Variants in RARB observed in about 807,000 individuals in gnomAD.
RARB encodes HBV-activated protein.
Under a neutral mutation model 51.9 loss-of-function variants are expected in RARB, and 17 were observed. The observed-to-expected ratio is 0.33, with a 90% CI of 0.22 to 0.49. RARB has a LOEUF of 0.49. Ranked by LOEUF, RARB falls within the 20% of genes least tolerant of loss-of-function variation. The pLI, the probability that RARB is intolerant of heterozygous loss-of-function variation, is 0.99. For missense variants in RARB, 369 were observed against 550.8 expected, an observed-to-expected ratio of 0.67 and a Z score of 3.30; for synonymous variants, 215 against 195.4, an observed-to-expected ratio of 1.10 and a Z score of -0.84.
chr3:25,371,720 C>T (rs994413925), intron 5 of RARB, among the ~76,000 whole-genome samples: 3 of 152,250 alleles, frequency 2.0e-5, no homozygotes, highest in African/African-American at 7.2e-5. Flanking sequence ...TCAACCTTTA[C>T]TGTACAAACA....
At chr3:25,315,224 A>G (rs1229592996) in intron 5 of RARB, among the ~76,000 whole-genome samples, 1 of 152,170 alleles carries the variant, frequency 6.6e-6, no homozygotes, top group Non-Finnish European at 1.5e-5. Flanking sequence ...TGAATGAAAT[A>G]CACACATCCC....
At chr3:25,133,063 C>CTT (rs1249039397) in intron 4 of RARB, among the ~76,000 whole-genome samples, 1 of 151,872 alleles carries the variant, frequency 6.6e-6, no homozygotes, top group African/African-American at 2.4e-5. Context: ...ACGATGCTTT[C>CTT]TTATTGCTCT....
chr3:25,428,879 A>G lies in RARB; in HGVS notation c.148A>G (p.Thr50Ala), dbSNP rs1057524213. The change falls in exon 1 of 8, where the codon ACT becomes GCT. Residue 50 changes from threonine to alanine, a missense_variant. Thr to Ala is a moderately conservative substitution (Grantham distance 58, BLOSUM62 0). Around this residue, in one of 9 missense-constraint regions of RARB, gnomAD observed 99 missense variants for 95.1 expected, o/e 1.04. Transcript: ENST00000330688. ...LTQTEWQHRH[T>A]AQSIETQSTS... The stretch of plus-strand genomic sequence containing the variant: ...CCAAACCGAATGGCAGCATCGGCAC[A>G]CTGCTCAATGTAGGTTTATTTTTTT... The G allele has an allele frequency of 5.0e-6, 8 of 1,611,426 alleles. No individual in the cohort carries two copies. The highest frequency in any genetic ancestry group is 1.3e-5 in the African/African-American group (1 of 74,858).
chr3:25,016,942 A>G (rs780120857), intron 2 of RARB, among the ~76,000 whole-genome samples: 2 of 152,162 alleles, frequency 1.3e-5, no homozygotes, highest in Non-Finnish European at 2.9e-5. Flanking sequence ...ATTTTAAAAG[A>G]TTTTAGGAGA....
chr3:25,508,365 C>T (rs1323984974), intron 3 of RARB, among the ~76,000 whole-genome samples: 2 of 152,106 alleles, frequency 1.3e-5, no homozygotes, highest in African/African-American at 2.4e-5. Flanking sequence ...GATTTTGTTG[C>T]TCTGTGTTTC....
At chr3:25,086,483 T>A (rs575658180) in intron 3 of RARB, among the ~76,000 whole-genome samples, 15 of 152,270 alleles carry the variant, frequency 9.9e-5, no homozygotes, top group Middle Eastern at 3.4e-3. Flanking sequence ...AAGGAAAGAA[T>A]CAAACTCTGT....
chr3:24,963,323 G>A (rs1007200982), intron 2 of RARB, among the ~76,000 whole-genome samples: 2 of 151,120 alleles, frequency 1.3e-5, no homozygotes, highest in Non-Finnish European at 2.9e-5. Context: ...CATTGGAAAC[G>A]CTCTCACAGA....
intron 3 of RARB, among the ~76,000 whole-genome samples, chr3:25,541,711 C>G (rs1256011832): frequency 1.3e-5 from 2 of 152,210 alleles, no homozygotes; most frequent in African/African-American, 4.8e-5. Flanking sequence ...CAACACCTCA[C>G]TCCTTATTGT....
In RARB at chr3:25,341,399, A is replaced by C. The variant is rs948521808; in HGVS notation, c.179-119794A>C. On this transcript the variant is annotated intron_variant, in intron 5 of 11. Transcript: ENST00000383772. ...AATACTGAGTAGAAAAAGGTTGTGG[A>C]ACTCATGGTTTATTCAGGGTGAGAG... 1.4e-4 allele frequency among the ~76,000 whole-genome samples: 21 copies of C among 152,196 alleles called. 1 individual carries two copies. The highest frequency in any genetic ancestry group is 2.9e-4 in the Non-Finnish European group (20 of 68,042).
chr3:25,078,406 A>G (rs1322510011), intron 3 of RARB, among the ~76,000 whole-genome samples: 1 of 152,122 alleles, frequency 6.6e-6, no homozygotes, highest in East Asian at 1.9e-4. Flanking sequence ...TCAATAATCA[A>G]TTGACCATTT....
Position 25,428,799 on chromosome 3 carries a change from C to T in RARB, c.68C>T (p.Pro23Leu). 1 of 1,614,120 alleles carries T rather than the reference C, an allele frequency of 6.2e-7. No individual in the cohort carries two copies. Among genetic ancestry groups the T allele is most frequent in the Non-Finnish European group, 8.5e-7 (1 of 1,180,028 alleles). The change falls in exon 1 of 8, where the codon CCG becomes CTG. Residue 23 changes from proline (P) to leucine (L), a missense_variant. Pro to Leu is a moderately conservative substitution (Grantham distance 98). This residue lies in a region of RARB where 99 missense variants were observed against 95.1 expected (regional missense o/e 1.04). Transcript: ENST00000330688. ...ATCCTGGATTTCTACACTGCGAGTCCGTCTTCCTGCATGCTCCAGGAGAAA... is the reference window on the plus strand; with the variant it reads ...ATCCTGGATTTCTACACTGCGAGTCTGTCTTCCTGCATGCTCCAGGAGAAA... ...GQILDFYTAS[P>L]SSCMLQEKAL...
intron 2 of RARB, among the ~76,000 whole-genome samples, chr3:24,923,418 G>A (rs1327931650): frequency 6.6e-6 from 1 of 151,758 alleles, no homozygotes; most frequent in Non-Finnish European, 1.5e-5. Context: ...TATAATTAGT[G>A]ATGTACTAAA....
At chr3:25,564,324 A>G (rs1244874128) in intron 3 of RARB, among the ~76,000 whole-genome samples, 3 of 152,222 alleles carry the variant, frequency 2.0e-5, no homozygotes, top group Non-Finnish European at 4.4e-5. Context: ...GCCCCTCACA[A>G]GGAGAATACT....
At chr3:25,018,356 CA>C (rs1697559700) in intron 2 of RARB, among the ~76,000 whole-genome samples, 2 of 152,182 alleles carry the variant, frequency 1.3e-5, no homozygotes, top group African/African-American at 4.8e-5. Context: ...TCTAATCTCT[CA>C]CAAACTGGAA....
chr3:25,511,392 A>C (rs551197722), intron 3 of RARB, among the ~76,000 whole-genome samples: 3 of 152,108 alleles, frequency 2.0e-5, no homozygotes, highest in Non-Finnish European at 4.4e-5. Flanking sequence ...CAGCCTCCCA[A>C]AGTGCTGGGA....
intron 5 of RARB, among the ~76,000 whole-genome samples, chr3:25,209,631 G>T (rs1345525984): frequency 1.3e-5 from 2 of 152,158 alleles, no homozygotes; most frequent in African/African-American, 4.8e-5. Flanking sequence ...CTCTGCTTCT[G>T]CTGGGTGCAA....
At chr3:25,094,750 C>G (rs1218614876) in intron 3 of RARB, among the ~76,000 whole-genome samples, 1 of 130,242 alleles carries the variant, frequency 7.7e-6, no homozygotes, top group Non-Finnish European at 1.6e-5. Context: ...AAGGAAACTG[C>G]AACACAGTAG....
chr3:25,190,592 A>T (rs1243127909), intron 5 of RARB, among the ~76,000 whole-genome samples: 1 of 152,106 alleles, frequency 6.6e-6, no homozygotes, highest in Non-Finnish European at 1.5e-5. Context: ...CAGGCAAATG[A>T]AAAAGAGACT....
At chr3:24,872,447 A>G (rs1466900928) in intron 2 of RARB, among the ~76,000 whole-genome samples, 1 of 152,220 alleles carries the variant, frequency 6.6e-6, no homozygotes, top group African/African-American at 2.4e-5. Flanking sequence ...TAATTTATAA[A>G]GAAAAGAGGT....
Sources: gnomAD v4.1 joint callset for allele counts (sites outside exome capture counted in the v4.1 genomes callset) on GRCh38, gnomAD v4.1.1 for gene constraint, gnomAD v4.1.1 regional missense constraint, MANE v1.5 for transcripts, NCBI Gene and HGNC (gene_info 2026-07-23, HGNC 2026-07-21) for gene names.